OSBPL9: variants seen among roughly 807,000 people sequenced by gnomAD.
OSBPL9 encodes the protein oxysterol-binding protein-related protein 9.
A neutral mutation model predicts 106.6 loss-of-function variants in OSBPL9; 40 were observed. The observed-to-expected ratio is 0.38, with a 90% CI of 0.29 to 0.49. OSBPL9 has a LOEUF of 0.49. OSBPL9 is among the 20% of genes least tolerant of loss of function. The pLI, the probability that OSBPL9 is intolerant of heterozygous loss-of-function variation, is 0.97. For synonymous variants in OSBPL9, 269 were observed against 295.4 expected, an observed-to-expected ratio of 0.91 and a Z score of 0.92; for missense variants, 609 against 887.2, an observed-to-expected ratio of 0.69 and a Z score of 3.98.
At chr1:51,581,770 C>T (rs1445433035) in intron 1 of OSBPL9, among the ~76,000 whole-genome samples, 1 of 152,202 alleles carries the variant, frequency 6.6e-6, no homozygotes, top group African/African-American at 2.4e-5. Flanking sequence ...ATCCTCCCAC[C>T]TCAGCTTCCT....
chr1:51,564,706 C>T, the OSBPL9 span, among the ~76,000 whole-genome samples: 4 of 152,170 alleles, frequency 2.6e-5, no homozygotes, highest in Admixed American at 6.5e-5. Flanking sequence ...CTGTTCTAGC[C>T]GTTTTATGAT....
intron 9 of OSBPL9, among the ~76,000 whole-genome samples, chr1:51,758,776 C>T (rs905075305): frequency 4.6e-5 from 7 of 152,082 alleles, no homozygotes; most frequent in Non-Finnish European, 7.4e-5. Context: ...TATATCAAAG[C>T]GTTAATGGTG....
the OSBPL9 span, among the ~76,000 whole-genome samples, chr1:51,542,666 A>G: frequency 2.6e-5 from 4 of 152,294 alleles, no homozygotes; most frequent in South Asian, 6.2e-4. Context: ...ACCTCACAAC[A>G]TGCATGTAAG....
chr1:51,560,722 C>T, the OSBPL9 span, among the ~76,000 whole-genome samples: 1 of 152,162 alleles, frequency 6.6e-6, no homozygotes, highest in Non-Finnish European at 1.5e-5. Flanking sequence ...CGTATTGGTC[C>T]CCTCCTTTTT....
At chr1:51,779,846 G>C (rs1015200979) in intron 15 of OSBPL9, among the ~76,000 whole-genome samples, 1 of 152,194 alleles carries the variant, frequency 6.6e-6, no homozygotes, top group Non-Finnish European at 1.5e-5. Context: ...GGGAGGCCAA[G>C]GCAGGTGGAT....
intron 2 of OSBPL9, among the ~76,000 whole-genome samples, chr1:51,611,607 G>A (rs1249750782): frequency 6.6e-6 from 1 of 152,162 alleles, no homozygotes; most frequent in Non-Finnish European, 1.5e-5. Flanking sequence ...AAAAATTAAT[G>A]GTCTAAACAG....
At position 51,787,382 on chromosome 1, in the gene OSBPL9, A is replaced by C; in HGVS notation, c.2030A>C (p.Lys677Thr). 1 of 1,614,038 alleles carries C rather than the reference A, an allele frequency of 6.2e-7. No individual in the cohort carries two copies. The highest frequency in any genetic ancestry group is 8.5e-7 in the Non-Finnish European group (1 of 1,179,920). Residue 677 changes from lysine (K) to threonine (T), a missense_variant, in exon 23 of 24, where the codon AAA (lysine) becomes ACA (threonine). Coordinates refer to ENST00000428468, the MANE Select transcript of OSBPL9 (RefSeq NM_024586.6). Reference sequence around the variant, plus strand: ...TGGAAGGATGTCACTTTCAACTTAAAAATCAGAGACATTGATGCAGCAACT... The same window carrying C: ...TGGAAGGATGTCACTTTCAACTTAACAATCAGAGACATTGATGCAGCAACT... ...SLWKDVTFNLKIRDIDAATEA... is the reference protein window; with the variant it reads ...SLWKDVTFNLTIRDIDAATEA...
At chr1:51,766,956 T>C (rs1672690516) in intron 12 of OSBPL9, among the ~76,000 whole-genome samples, 1 of 150,978 alleles carries the variant, frequency 6.6e-6, no homozygotes, top group African/African-American at 2.4e-5. Context: ...TACATGCCTA[T>C]AAATTCCAGC....
At chr1:51,564,839 C>T in the OSBPL9 span, among the ~76,000 whole-genome samples, 1 of 152,222 alleles carries the variant, frequency 6.6e-6, no homozygotes, top group Non-Finnish European at 1.5e-5. Context: ...AGCCTCTCTA[C>T]TCTCCCCAAG....
chr1:51,656,915 C>G (rs919675128), intron 2 of OSBPL9, among the ~76,000 whole-genome samples: 1 of 152,180 alleles, frequency 6.6e-6, no homozygotes, highest in East Asian at 1.9e-4. Context: ...CGACCTCAGG[C>G]AGTCCTCCTA....
intron 4 of OSBPL9, among the ~76,000 whole-genome samples, chr1:51,737,299 G>T (rs1665909119): frequency 6.6e-6 from 1 of 151,982 alleles, no homozygotes. Context: ...TTATGACCTT[G>T]CATGCTAAAA....
chr1:51,536,420 A>AC, the OSBPL9 span, among the ~76,000 whole-genome samples: 1 of 151,906 alleles, frequency 6.6e-6, no homozygotes, highest in African/African-American at 2.4e-5. Flanking sequence ...CGATCCTCCC[A>AC]CCCCTGCTTC....
At chr1:51,619,471 A>G (rs1644292201) in intron 1 of OSBPL9, among the ~76,000 whole-genome samples, 1 of 152,176 alleles carries the variant, frequency 6.6e-6, no homozygotes, top group Non-Finnish European at 1.5e-5. Flanking sequence ...TTCCCCCTCA[A>G]TGCTTATCCT....
At chr1:51,602,243 C>T (rs1462637732) in intron 2 of OSBPL9, among the ~76,000 whole-genome samples, 2 of 151,160 alleles carry the variant, frequency 1.3e-5, no homozygotes, top group African/African-American at 4.9e-5. Flanking sequence ...CTCCTGACCT[C>T]GTGATCCGCC....
At chr1:51,581,882 C>G (rs1645222898) in intron 1 of OSBPL9, among the ~76,000 whole-genome samples, 1 of 152,100 alleles carries the variant, frequency 6.6e-6, no homozygotes, top group Non-Finnish European at 1.5e-5. Context: ...TTGACACACC[C>G]CCATCATTGT....
intron 1 of OSBPL9, among the ~76,000 whole-genome samples, chr1:51,626,706 G>A (rs754105011): frequency 3.3e-5 from 5 of 151,600 alleles, no homozygotes; most frequent in Non-Finnish European, 7.4e-5. Context: ...TTTTGGTAGA[G>A]TTAGGGTCCC....
At chr1:51,560,443 A>T in the OSBPL9 span, among the ~76,000 whole-genome samples, 1 of 152,230 alleles carries the variant, frequency 6.6e-6, no homozygotes, top group Non-Finnish European at 1.5e-5. Context: ...GAGTTGTGAG[A>T]ATTTGGGGAG....
At chr1:51,730,261 G>A in intron 4 of OSBPL9, 1 of 844,606 alleles carries the variant, frequency 1.2e-6, no homozygotes, top group Non-Finnish European at 1.6e-6. Flanking sequence ...GACTTTGGAG[G>A]AGGTCTCTTT....
chr1:51,577,658 T>C (rs1645194350), intron 1 of OSBPL9, among the ~76,000 whole-genome samples: 1 of 152,206 alleles, frequency 6.6e-6, no homozygotes, highest in East Asian at 1.9e-4. Context: ...AAGTGCTATG[T>C]AGAAAAAATG....
Sources: gnomAD v4.1 joint callset for allele counts (sites outside exome capture counted in the v4.1 genomes callset) on GRCh38, gnomAD v4.1.1 for gene constraint, MANE v1.5 for transcripts, NCBI Gene and HGNC (gene_info 2026-07-23, HGNC 2026-07-21) for gene names.